FMO5: variants seen among roughly 807,000 people sequenced by gnomAD.
The protein encoded by FMO5 is flavin-containing monooxygenase 5.
In FMO5, 51 loss-of-function variants were observed where a neutral mutation model predicts 43.6. That is an observed-to-expected ratio of 1.17 (90% confidence interval 0.93 to 1.48). The LOEUF is 1.48. Ranked by LOEUF, FMO5 falls within the 40% of genes most tolerant of loss-of-function variation. The pLI is 0.00. For missense variants in FMO5, 644 were observed against 643.0 expected (o/e 1.00, Z -0.02); for synonymous variants, 187 against 216.5 (o/e 0.86, Z 1.20).
intron 2 of FMO5, among the ~76,000 whole-genome samples, chr1:147,220,224 G>A (rs587594132): frequency 2.0e-5 from 3 of 152,254 alleles, no homozygotes; most frequent in East Asian, 3.9e-4. Context: ...AATTACATAC[G>A]TAGGTATAAA....
intron 6 of FMO5, among the ~76,000 whole-genome samples, chr1:147,207,671 C>T (rs1428910774): frequency 6.6e-6 from 1 of 152,138 alleles, no homozygotes; most frequent in Admixed American, 6.5e-5. Context: ...GAGGCCAAAG[C>T]AACTCCATCT....
chr1:147,226,838 C>CTTT (rs35603968), upstream of FMO5, among the ~76,000 whole-genome samples: 22,405 of 148,904 alleles, frequency 0.15, 2,327 homozygotes, highest in East Asian at 0.47. Context: ...AACTGTCGAA[C>CTTT]TTTTTTTTTT....
At chr1:147,203,512 A>G (rs1659421948) in intron 6 of FMO5, 1 of 869,950 alleles carries the variant, frequency 1.1e-6, no homozygotes. Context: ...TTCTTGAGGT[A>G]CTGCATAAAG....
rs200375614 is a variant in FMO5 at position 147,215,713 on chromosome 1, C to T, written c.324+41G>A. 77 of 1,431,874 alleles carry T rather than the reference C, an allele frequency of 5.4e-5. No individual in the cohort carries two copies. In the East Asian group the frequency reaches 1.7e-3, roughly 31 times the overall value. The allele number at this position is 1,431,874 out of a possible 1,614,324, so 88.7% of individuals were successfully genotyped here. On this transcript the variant is annotated intron_variant, in intron 3 of 8. Coordinates refer to ENST00000254090, the MANE Select transcript of FMO5 (RefSeq NM_001461.4). ...GAAACCACGTTATTCATTTACTTGG[C>T]AAACAACTTCAAACACAAAGATACC...
chr1:147,191,512 C>T (rs1553918468), intron 7 of FMO5, among the ~76,000 whole-genome samples: 3 of 150,138 alleles, frequency 2.0e-5, no homozygotes, highest in Non-Finnish European at 4.5e-5. Flanking sequence ...ATATCCTTTG[C>T]CCACTTTTTG....
chr1:147,211,755 A>G (rs1446602404), intron 5 of FMO5, among the ~76,000 whole-genome samples: 2 of 152,232 alleles, frequency 1.3e-5, no homozygotes, highest in African/African-American at 4.8e-5. Flanking sequence ...AAACCAAAAC[A>G]AACAAAACAA....
chr1:147,222,933 A>G (rs1337883747), intron 2 of FMO5, among the ~76,000 whole-genome samples: 1 of 152,206 alleles, frequency 6.6e-6, no homozygotes, highest in Non-Finnish European at 1.5e-5. Flanking sequence ...AAGACACCAC[A>G]TGTGTGAGTC....
Position 147,186,903 on chromosome 1 carries a change from GAAGT to G in FMO5, c.1595_1598del (p.Tyr532SerfsTer38), listed in dbSNP as rs1553917178. ...CAGGGCAGTGACAATAGGACAACTA[GAAGT>G]AAGCTATAATTATAGCAAAGAAGGC... On this transcript the variant is annotated frameshift_variant, in exon 9 of 9. Coordinates refer to ENST00000254090, the MANE Select transcript of FMO5 (RefSeq NM_001461.4). LOFTEE classifies it high-confidence loss of function. 6.2e-7 allele frequency: 1 copy of G among 1,611,154 alleles called. No homozygotes were observed. The highest frequency in any genetic ancestry group is 1.3e-5 in the African/African-American group (1 of 74,816).
At position 147,216,045 on chromosome 1, in the gene FMO5, A is replaced by G. The variant is rs1661931661; in HGVS notation, c.136-103T>C. 4 of 732,480 alleles carry G rather than the reference A, an allele frequency of 5.5e-6. No homozygotes were observed. The South Asian group carries it at 7.0e-5, about 13-fold the overall frequency. The allele number at this position is 732,480 out of a possible 1,614,324, so 45.4% of individuals were successfully genotyped here. On this transcript the variant is annotated intron_variant, in intron 2 of 8. Coordinates refer to ENST00000254090, the MANE Select transcript of FMO5 (RefSeq NM_001461.4). ...AGTTTTCTGAAAGAAGTGTCAATTAAATCACACACACACCTTCCAGTATTT... is the reference window on the plus strand; with the variant it reads ...AGTTTTCTGAAAGAAGTGTCAATTAGATCACACACACACCTTCCAGTATTT...
intron 5 of FMO5, 69 bp downstream of exon 5, chr1:147,212,324 A>G: frequency 6.5e-7 from 1 of 1,530,580 alleles, no homozygotes; most frequent in South Asian, 1.2e-5. Flanking sequence ...TGTTGGGTCC[A>G]CCTGCAGCTT....
chr1:147,213,349 C>A lies in FMO5; in HGVS notation c.446G>T (p.Gly149Val). ...AGGTAGATGAGCATTGGTGTGATGG[C>A]CAGTGCAAACCATGACTCCATCAAA... ...NVFDGVMVCT[G>V]HHTNAHLPLE... is the part of the protein sequence containing the mutation. Residue 149 changes from glycine (G) to valine (V), a missense_variant, in exon 4 of 9, where the codon GGC becomes GTC. Physicochemically the swap from Gly to Val is moderately radical, Grantham distance 109. Transcript: ENST00000254090. 1 of 1,612,968 alleles carries A rather than the reference C, an allele frequency of 6.2e-7. No homozygotes were observed. Among genetic ancestry groups the A allele is most frequent in the South Asian group, 1.1e-5 (1 of 90,850 alleles).
At chr1:147,222,238 T>G (rs1663157973) in intron 2 of FMO5, among the ~76,000 whole-genome samples, 1 of 152,098 alleles carries the variant, frequency 6.6e-6, no homozygotes, top group African/African-American at 2.4e-5. Flanking sequence ...GGCGTAGTAG[T>G]GCGTGTATAA....
chr1:147,212,320 G>A (rs28381188), intron 5 of FMO5, 73 bp downstream of exon 5: 46,909 of 1,499,140 alleles, frequency 0.031, 1,096 homozygotes, highest in South Asian at 0.09. Context: ...TCTCTGTTGG[G>A]TCCACCTGCA....
At chr1:147,202,648 A>T (rs1659241224) in intron 6 of FMO5, among the ~76,000 whole-genome samples, 1 of 152,224 alleles carries the variant, frequency 6.6e-6, no homozygotes, top group South Asian at 2.1e-4. Context: ...TGAATACTAT[A>T]TTAACTCATC....
rs200772317 is a variant in FMO5, at chr1:147,212,908, CT to C, written c.488-374del. Among the ~76,000 whole-genome samples the C allele has an allele frequency of 1.6e-3, 233 of 148,648 alleles. 1 individual carries two copies. Among genetic ancestry groups the C allele is most frequent in the African/African-American group, 5.3e-3 (213 of 40,374 alleles). On this transcript the variant is annotated intron_variant, in intron 4 of 8. Transcript: ENST00000254090. The stretch of plus-strand genomic sequence containing the variant: ...CTTATATACTTTAGAGTATAGAGTG[CT>C]TTTTTTTTTAAAATGAAAATCCAGG...
At chr1:147,191,494 G>A (rs1300311400) in intron 7 of FMO5, among the ~76,000 whole-genome samples, 2 of 151,978 alleles carry the variant, frequency 1.3e-5, no homozygotes, top group South Asian at 4.2e-4. Context: ...TTTGAGAAGT[G>A]TCTGTTCATA....
At chr1:147,194,393 ATG>A (rs1657541770) in intron 7 of FMO5, among the ~76,000 whole-genome samples, 2 of 152,034 alleles carry the variant, frequency 1.3e-5, no homozygotes, top group South Asian at 4.1e-4. Context: ...TTTTGAGCCT[ATG>A]TGTGTCTCTG....
At chr1:147,193,906 T>C (rs1553919123) in intron 7 of FMO5, among the ~76,000 whole-genome samples, 1 of 152,148 alleles carries the variant, frequency 6.6e-6, no homozygotes, top group Non-Finnish European at 1.5e-5. Context: ...TTACATTTGC[T>C]GAGGAGTGCT....
chr1:147,204,372 G>T, intron 6 of FMO5: 1 of 1,033,356 alleles, frequency 9.7e-7, no homozygotes, highest in Non-Finnish European at 1.5e-6. Context: ...AAATAGATAC[G>T]CATGCCTGAA....
Sources: gnomAD v4.1 joint callset for allele counts (sites outside exome capture counted in the v4.1 genomes callset) on GRCh38, gnomAD v4.1.1 for gene constraint, MANE v1.5 for transcripts, NCBI Gene and HGNC (gene_info 2026-07-23, HGNC 2026-07-21) for gene names.